The following HNF1B variants were observed in gnomAD, a reference collection of about 807,000 sequenced individuals.
The protein encoded by HNF1B is HNF1 homeobox B, also known as hepatocyte nuclear factor 1-beta.
A neutral mutation model predicts 61.7 loss-of-function variants in HNF1B; 8 were observed. The observed-to-expected ratio is 0.13, with a 90% confidence interval of 0.08 to 0.23. The LOEUF is 0.23. HNF1B is among the 10% of genes least tolerant of loss of function. The pLI is 1.00. For missense variants in HNF1B, 562 were observed against 714.5 expected (o/e 0.79, Z 2.43); for synonymous variants, 314 against 287.7 (o/e 1.09, Z -0.93).
In HNF1B at chr17:37,744,831, G is replaced by C; in HGVS notation, c.54C>G (p.Ser18Arg). Residue 18 changes from serine (S) to arginine (R), a missense_variant, in exon 1 of 9, where the codon AGC becomes AGG. Transcript: ENST00000617811. ...LQQELLSALL[S>R]SGVTKEVLVQ... ...CCAGCACCTCCTTGGTGACCCCGGA[G>C]CTCAGCAGGGCGCTCAGGAGTTCTT... is the stretch of plus-strand genomic sequence containing the variant. The C allele has an allele frequency of 6.2e-7, 1 of 1,612,862 alleles. No homozygotes were observed.
Position 37,701,020 on chromosome 17 carries a change from G to C in HNF1B, c.1497C>G (p.Pro499=), listed in dbSNP as rs1372236093. 1 of 1,557,824 alleles carries C rather than the reference G, an allele frequency of 6.4e-7. No homozygotes were observed. The highest frequency in any genetic ancestry group is 8.7e-7 in the Non-Finnish European group (1 of 1,150,266). ...GCAGCTGAGTCACAGCTGCCATGAA[G>C]GGCTGCTGGGCCATGTGGCTGCCTG... ...QSPGSHMAQQ[P]FMAAVTQLQN... is the part of the protein sequence containing the mutation. The change falls in exon 7 of 9, where the codon CCC becomes CCG. Residue 499 remains proline (P), a synonymous_variant. Coordinates refer to ENST00000617811, the MANE Select transcript of HNF1B (RefSeq NM_000458.4).
intron 4 of HNF1B, among the ~76,000 whole-genome samples, chr17:37,712,498 T>C (rs1598817236): frequency 6.6e-6 from 1 of 151,416 alleles, no homozygotes; most frequent in East Asian, 1.9e-4. Context: ...TTCCAACAGT[T>C]CAAAGTGTTG....
chr17:37,744,951 G>A lies in HNF1B; in HGVS notation c.-67C>T, dbSNP rs140699244. On this transcript the variant is annotated 5_prime_UTR_variant, in exon 1 of 9. Coordinates refer to ENST00000617811, the MANE Select transcript of HNF1B (RefSeq NM_000458.4). Reference sequence around the variant, plus strand: ...GTGCGAGAGAGGAGGGTGGAGGGGAGTTTCACAAGCAAACCCCAAATCCAG... The same window carrying A: ...GTGCGAGAGAGGAGGGTGGAGGGGAATTTCACAAGCAAACCCCAAATCCAG... 8,277 of 1,358,388 alleles carry A rather than the reference G, an allele frequency of 6.1e-3. 73 individuals carry two copies. The highest frequency in any genetic ancestry group is 0.025 in the South Asian group (2,016 of 79,822). 84.1% of individuals were successfully genotyped at this position (1,358,388 alleles called of 1,614,324 possible). A position where few individuals can be genotyped will look rare whatever the true frequency, so the allele number is the denominator to read the frequency against.
chr17:37,701,056 C>T lies in HNF1B; in HGVS notation c.1461G>A (p.Met487Ile), dbSNP rs1193241332. 5 of 1,555,250 alleles carry T rather than the reference C, an allele frequency of 3.2e-6. No homozygotes were observed. Among genetic ancestry groups the T allele is most frequent in the East Asian group, 2.4e-5 (1 of 41,602 alleles). ...CCATGTGGCTGCCTGGGCTCTGCTGCATGAGGGGCTGCTGGTGAGGGCTGT... is the reference window on the plus strand; with the variant it reads ...CCATGTGGCTGCCTGGGCTCTGCTGTATGAGGGGCTGCTGGTGAGGGCTGT... ...QLHSPHQQPL[M>I]QQSPGSHMAQ... is the part of the protein sequence containing the mutation. The change falls in exon 7 of 9, where the codon ATG becomes ATA. Residue 487 changes from methionine to isoleucine, a missense_variant. By Grantham distance (10) the Met-to-Ile change is conservative. Around this residue, in one of 6 missense-constraint regions of HNF1B, gnomAD observed 64 missense variants for 96.9 expected, o/e 0.66. Transcript: ENST00000617811.
At chr17:37,724,241 C>T (rs961548204) in intron 4 of HNF1B, among the ~76,000 whole-genome samples, 3 of 152,058 alleles carry the variant, frequency 2.0e-5, no homozygotes, top group African/African-American at 7.2e-5. Context: ...ACCCCCCACC[C>T]CAGGGAACTG....
intron 1 of HNF1B, among the ~76,000 whole-genome samples, chr17:37,740,449 C>T (rs1329101146): frequency 2.0e-5 from 3 of 152,126 alleles, no homozygotes; most frequent in Non-Finnish European, 4.4e-5. Flanking sequence ...CATTATTTTC[C>T]TTTTGAATGG....
intron 1 of HNF1B, among the ~76,000 whole-genome samples, chr17:37,741,732 A>G (rs544441023): frequency 6.6e-6 from 1 of 152,298 alleles, no homozygotes; most frequent in Admixed American, 6.5e-5. Context: ...AAATGCCTTT[A>G]CCTGTGTTCA....
intron 4 of HNF1B, among the ~76,000 whole-genome samples, chr17:37,716,126 GT>G (rs1410921325): frequency 6.6e-6 from 1 of 152,198 alleles, no homozygotes; most frequent in East Asian, 1.9e-4. Flanking sequence ...TCCAGCCTGG[GT>G]GACCAGAACA....
intron 4 of HNF1B, among the ~76,000 whole-genome samples, chr17:37,718,565 C>G (rs1348329486): frequency 6.6e-6 from 1 of 152,186 alleles, no homozygotes; most frequent in Non-Finnish European, 1.5e-5. Context: ...CCCAGCAAGT[C>G]CGTGGTATTC....
intron 8 of HNF1B, among the ~76,000 whole-genome samples, chr17:37,697,340 A>C (rs2032419320): frequency 6.6e-6 from 1 of 152,206 alleles, no homozygotes; most frequent in Non-Finnish European, 1.5e-5. Flanking sequence ...GGACATGGAG[A>C]CAATGTCACA....
At chr17:37,724,928 GTGTGTGTGTATA>G (rs1568658056) in intron 4 of HNF1B, among the ~76,000 whole-genome samples, 1 of 140,024 alleles carries the variant, frequency 7.1e-6, no homozygotes, top group East Asian at 2.2e-4. Context: ...GTGTGTGTGT[GTGTGTGTGTATA>G]TATATATAAT....
At chr17:37,723,540 C>T (rs900533845) in intron 4 of HNF1B, among the ~76,000 whole-genome samples, 8 of 152,138 alleles carry the variant, frequency 5.3e-5, no homozygotes, top group African/African-American at 1.7e-4. Flanking sequence ...AAATGCCTTA[C>T]GGCACTCAAT....
chr17:37,705,724 C>A lies in HNF1B; in HGVS notation c.1207-675G>T, dbSNP rs116737019. Among the ~76,000 whole-genome samples, 954 of 152,130 alleles carry A rather than the reference C, an allele frequency of 6.3e-3. 8 individuals are homozygous for A. The highest frequency in any genetic ancestry group is 0.022 in the African/African-American group (895 of 41,492). On this transcript the variant is annotated intron_variant, in intron 5 of 8. Transcript: ENST00000617811. ...TTGTAATACAAGCATCTGATGGTAA[C>A]AGGGTCTTTTCCTTGCTAGTACTGA...
At chr17:37,731,237 T>C (rs2033670888) in intron 4 of HNF1B, 1 of 418,866 alleles carries the variant, frequency 2.4e-6, no homozygotes, top group African/African-American at 2.0e-5. Context: ...TGCCACGCCA[T>C]CACGACCCGT....
intron 1 of HNF1B, among the ~76,000 whole-genome samples, chr17:37,741,596 G>A (rs769297240): frequency 6.6e-6 from 1 of 152,176 alleles, no homozygotes; most frequent in Non-Finnish European, 1.5e-5. Context: ...TATTTCCACC[G>A]ATATTTTTAG....
At position 37,741,700 on chromosome 17, in the gene HNF1B, T is replaced by C. The variant is rs75586477; in HGVS notation, c.345-2061A>G. 7.3e-3 allele frequency among the ~76,000 whole-genome samples: 1,108 copies of C among 152,352 alleles called. 13 individuals carry two copies. The highest frequency in any genetic ancestry group is 0.025 in the African/African-American group (1,052 of 41,576). Reference sequence around the variant, plus strand: ...AAGTGAATATTGCTTTAGCAAATTCTTCGGCTATTTTTCTTTTGTTTAAAT... The same window carrying C: ...AAGTGAATATTGCTTTAGCAAATTCCTCGGCTATTTTTCTTTTGTTTAAAT... On this transcript the variant is annotated intron_variant, in intron 1 of 8. Transcript: ENST00000617811.
chr17:37,695,114 T>C (rs1375913560), intron 8 of HNF1B, among the ~76,000 whole-genome samples: 2 of 152,116 alleles, frequency 1.3e-5, no homozygotes, highest in Non-Finnish European at 2.9e-5. Flanking sequence ...CCCAGAGGCC[T>C]AGGAAGAAAA....
chr17:37,689,917 C>G (rs1179605397), intron 8 of HNF1B, among the ~76,000 whole-genome samples: 1 of 152,058 alleles, frequency 6.6e-6, no homozygotes, highest in Non-Finnish European at 1.5e-5. Context: ...ACTGGAGATG[C>G]AGCTGTAAAC....
chr17:37,711,970 C>T (rs1312795532), intron 4 of HNF1B, among the ~76,000 whole-genome samples: 3 of 152,302 alleles, frequency 2.0e-5, no homozygotes, highest in Non-Finnish European at 4.4e-5. Context: ...TAATCTGCCT[C>T]TAATTCACCA....
Sources: allele counts gnomAD v4.1 joint callset (sites outside exome capture counted in the v4.1 genomes callset), GRCh38; gene constraint gnomAD v4.1.1; regional missense constraint gnomAD v4.1.1; transcripts MANE v1.5; gene names NCBI Gene and HGNC (gene_info 2026-07-23, HGNC 2026-07-21).